SPTSSA: variants seen among roughly 807,000 people sequenced by gnomAD.
SPTSSA encodes the protein small subunit of serine palmitoyltransferase A.
SPTSSA carries 8 observed loss-of-function variants against 9.1 expected under a neutral mutation model. The observed-to-expected ratio is 0.88, with a 90% CI of 0.51 to 1.58. The LOEUF (loss-of-function observed/expected upper bound fraction) is 1.58. Ranked by LOEUF, SPTSSA falls within the 40% of genes most tolerant of loss-of-function variation. The pLI is 0.00. For missense variants in SPTSSA, 100 were observed against 93.8 expected, an observed-to-expected ratio of 1.07 and a Z score of -0.27; for synonymous variants, 42 against 37.7, an observed-to-expected ratio of 1.11 and a Z score of -0.41.
rs151334232 is a variant in SPTSSA at position 34,447,581 on chromosome 14, C to A, written c.113-12277G>T. 3.4e-3 allele frequency among the ~76,000 whole-genome samples: 520 copies of A among 152,142 alleles called. 6 individuals carry two copies. Among genetic ancestry groups the A allele is most frequent in the African/African-American group, 0.012 (501 of 41,514 alleles). On this transcript the variant is annotated intron_variant, in intron 1 of 1. Coordinates refer to ENST00000298130, the MANE Select transcript of SPTSSA (RefSeq NM_138288.4). Reference sequence around the variant, plus strand: ...TGGTAACTGAGAGTGGTGCTATGGCCCTAAGTTTTGCTCATACTCTCACCT... The same window carrying A: ...TGGTAACTGAGAGTGGTGCTATGGCACTAAGTTTTGCTCATACTCTCACCT...
At chr14:34,456,351 T>G (rs899412095) in intron 1 of SPTSSA, among the ~76,000 whole-genome samples, 7 of 151,968 alleles carry the variant, frequency 4.6e-5, no homozygotes, top group African/African-American at 1.7e-4. Flanking sequence ...TAAAATAAAA[T>G]AACAAATCAA....
intron 1 of SPTSSA, among the ~76,000 whole-genome samples, chr14:34,437,231 C>A (rs1046584943): frequency 1.3e-5 from 2 of 152,228 alleles, no homozygotes; most frequent in African/African-American, 4.8e-5. Flanking sequence ...CAGACCCTGT[C>A]TCAAAAAACA....
At chr14:34,444,572 T>A (rs1204098554) in intron 1 of SPTSSA, among the ~76,000 whole-genome samples, 3 of 151,976 alleles carry the variant, frequency 2.0e-5, no homozygotes. Context: ...GCCAACATAG[T>A]GAAACCCTGT....
intron 1 of SPTSSA, among the ~76,000 whole-genome samples, chr14:34,448,344 G>A (rs1240062502): frequency 6.6e-6 from 1 of 152,134 alleles, no homozygotes; most frequent in Non-Finnish European, 1.5e-5. Flanking sequence ...CCTCAAGGCA[G>A]CATGAAGTAG....
intron 1 of SPTSSA, among the ~76,000 whole-genome samples, chr14:34,445,335 T>C (rs1187906498): frequency 1.3e-5 from 2 of 151,834 alleles, no homozygotes; most frequent in African/African-American, 4.8e-5. Context: ...AAACCCTGTC[T>C]ATGAAACATA....
chr14:34,450,363 C>T (rs998443641), intron 1 of SPTSSA, among the ~76,000 whole-genome samples: 2 of 152,118 alleles, frequency 1.3e-5, no homozygotes, highest in African/African-American at 4.8e-5. Flanking sequence ...TTGAAGAGGA[C>T]GTTTCAGTAC....
chr14:34,455,302 G>A (rs370754807), intron 1 of SPTSSA, among the ~76,000 whole-genome samples: 8 of 151,722 alleles, frequency 5.3e-5, no homozygotes, highest in East Asian at 1.9e-4. Context: ...CAAGAGAATC[G>A]CTTGCAACCA....
At chr14:34,451,027 T>C (rs1284974264) in intron 1 of SPTSSA, among the ~76,000 whole-genome samples, 3 of 151,978 alleles carry the variant, frequency 2.0e-5, no homozygotes, top group African/African-American at 7.2e-5. Flanking sequence ...AAAGATTTTT[T>C]TTTTTTTTGG....
chr14:34,448,985 G>A (rs1431787323), intron 1 of SPTSSA, among the ~76,000 whole-genome samples: 1 of 152,140 alleles, frequency 6.6e-6, no homozygotes, highest in Non-Finnish European at 1.5e-5. Flanking sequence ...GGATGACAGA[G>A]TGAGACTCTA....
At chr14:34,436,525 C>T (rs1883243038) in intron 1 of SPTSSA, among the ~76,000 whole-genome samples, 2 of 152,164 alleles carry the variant, frequency 1.3e-5, no homozygotes, top group African/African-American at 2.4e-5. Flanking sequence ...TACCTTTCAG[C>T]TATACATACT....
chr14:34,441,319 T>C (rs1214580301), intron 1 of SPTSSA, among the ~76,000 whole-genome samples: 1 of 152,182 alleles, frequency 6.6e-6, no homozygotes, highest in African/African-American at 2.4e-5. Context: ...TTTGTAACTT[T>C]ACTTCATCCT....
chr14:34,461,872 C>T (rs894613962), intron 1 of SPTSSA, among the ~76,000 whole-genome samples: 1 of 152,096 alleles, frequency 6.6e-6, no homozygotes, highest in Non-Finnish European at 1.5e-5. Context: ...CAGCGACTCA[C>T]AGGTGACCCC....
intron 1 of SPTSSA, among the ~76,000 whole-genome samples, chr14:34,449,152 G>A (rs926916965): frequency 6.6e-6 from 1 of 151,852 alleles, no homozygotes; most frequent in Non-Finnish European, 1.5e-5. Context: ...CATTTTGGGA[G>A]GCCAAGGTGG....
At chr14:34,453,160 G>C (rs761829386) in intron 1 of SPTSSA, among the ~76,000 whole-genome samples, 5 of 152,174 alleles carry the variant, frequency 3.3e-5, no homozygotes, top group Non-Finnish European at 5.9e-5. Flanking sequence ...AGTTTCTGGG[G>C]AGTCAAAAGT....
At chr14:34,435,496 T>C (rs1048963148) in intron 1 of SPTSSA, among the ~76,000 whole-genome samples, 192 bp from the exon 2 acceptor site, 5 of 152,216 alleles carry the variant, frequency 3.3e-5, no homozygotes, top group African/African-American at 1.2e-4. Flanking sequence ...CACTCTAAGC[T>C]GGTTTTGTTT....
At chr14:34,454,415 A>G (rs1883578017) in intron 1 of SPTSSA, among the ~76,000 whole-genome samples, 1 of 152,212 alleles carries the variant, frequency 6.6e-6, no homozygotes, top group Admixed American at 6.5e-5. Context: ...GGTATAGACC[A>G]TTTAGTTCTT....
chr14:34,439,098 ACAGAGTCT>A (rs1358661646), intron 1 of SPTSSA, among the ~76,000 whole-genome samples: 15 of 152,288 alleles, frequency 9.8e-5, no homozygotes, highest in Non-Finnish European at 2.1e-4. Flanking sequence ...CTAAGTAGGG[ACAGAGTCT>A]CAGCTCCCAC....
At chr14:34,451,550 C>G (rs565318634) in intron 1 of SPTSSA, among the ~76,000 whole-genome samples, 1 of 151,870 alleles carries the variant, frequency 6.6e-6, no homozygotes, top group African/African-American at 2.4e-5. Flanking sequence ...GGTGAAACCC[C>G]GTCTCTACTA....
chr14:34,450,581 G>A, intron 1 of SPTSSA, among the ~76,000 whole-genome samples: 1 of 151,088 alleles, frequency 6.6e-6, no homozygotes, highest in East Asian at 1.9e-4. Context: ...TTCTAGAGGG[G>A]GTTCCATGAC....
Sources: gnomAD v4.1 joint callset for allele counts (sites outside exome capture counted in the v4.1 genomes callset) on GRCh38, gnomAD v4.1.1 for gene constraint, MANE v1.5 for transcripts, NCBI Gene and HGNC (gene_info 2026-07-23, HGNC 2026-07-21) for gene names.